Variants in PHACTR2 observed in about 807,000 individuals in gnomAD.
PHACTR2 encodes chromosome 6 open reading frame 56.
PHACTR2 carries 30 observed loss-of-function variants against 76.0 expected under a neutral mutation model. The ratio of observed to expected loss-of-function variants is 0.39; its 90% CI spans 0.30 to 0.54. The LOEUF (loss-of-function observed/expected upper bound fraction) is 0.54, where lower values mean the gene tolerates loss of function less well. PHACTR2 is among the 20% of genes least tolerant of loss of function. The pLI, the probability that PHACTR2 is intolerant of heterozygous loss-of-function variation, is 0.61. For missense variants in PHACTR2, 696 were observed against 781.1 expected (o/e 0.89, Z 1.30); for synonymous variants, 292 against 292.5 (o/e 1.00, Z 0.02).
intron 2 of PHACTR2, among the ~76,000 whole-genome samples, chr6:143,723,550 C>A (rs1778489809): frequency 6.6e-6 from 1 of 152,220 alleles, no homozygotes; most frequent in South Asian, 2.1e-4. Flanking sequence ...TCCTCCTTGT[C>A]ATCCATTCAT....
At chr6:143,590,320 A>G (rs1775676059) in intron 1 of PHACTR2, among the ~76,000 whole-genome samples, 1 of 152,162 alleles carries the variant, frequency 6.6e-6, no homozygotes, top group African/African-American at 2.4e-5. Context: ...TCATAAAAAC[A>G]TCACAGTGTT....
Position 143,816,276 on chromosome 6 carries a change from G to T in PHACTR2, c.1923-7398G>T, listed in dbSNP as rs1776294011. On this transcript the variant is annotated intron_variant, in intron 12 of 12. Coordinates refer to ENST00000440869, the MANE Select transcript of PHACTR2 (RefSeq NM_001100164.2). This position sits in a 1 kb window ranked among gnomAD's most constrained non-coding sequence, Gnocchi z 4.5. The stretch of plus-strand genomic sequence containing the variant: ...AGCTGAACTTCTCCTACCTTAAAAT[G>T]AATGCAAACTACCGAGAAATAGCAA... Among the ~76,000 whole-genome samples the T allele has an allele frequency of 6.6e-6, 1 of 152,058 alleles. No individual in the cohort carries two copies. The highest frequency in any genetic ancestry group is 1.5e-5 in the Non-Finnish European group (1 of 68,012).
Position 143,783,122 on chromosome 6 carries a change from A to AT in PHACTR2, c.1646-94dup. 1.4e-6 allele frequency: 1 copy of AT among 696,020 alleles called. No individual in the cohort carries two copies. The highest frequency in any genetic ancestry group is 2.5e-6 in the Non-Finnish European group (1 of 393,610). The allele number at this position is 696,020 out of a possible 1,614,324, so 43.1% of individuals were successfully genotyped here. ...AATGTTGGTTGTGTGTTTGATCATT[A>AT]TTTGTTAGAGTCACATGATCGTGGC... On this transcript the variant is annotated intron_variant, in intron 9 of 12. Coordinates refer to ENST00000440869, the MANE Select transcript of PHACTR2 (RefSeq NM_001100164.2). This position sits in a 1 kb window ranked among gnomAD's most constrained non-coding sequence, Gnocchi z 5.2.
chr6:143,544,136 C>T (rs1367772095), intron 1 of PHACTR2, among the ~76,000 whole-genome samples: 2 of 151,444 alleles, frequency 1.3e-5, no homozygotes, highest in Non-Finnish European at 2.9e-5. Flanking sequence ...AGGAATGTTA[C>T]TCTAAACTTG....
At chr6:143,563,561 A>AAAACAAAC (rs1554287770) in intron 1 of PHACTR2, among the ~76,000 whole-genome samples, 1 of 148,102 alleles carries the variant, frequency 6.8e-6, no homozygotes, top group Non-Finnish European at 1.5e-5. Flanking sequence ...CAAAAAAAAA[A>AAAACAAAC]AAAAAAAAAA....
In PHACTR2 at chr6:143,755,513, C is replaced by T. The variant is rs1243843301; in HGVS notation, c.454+1601C>T. 4 of 361,986 alleles carry T rather than the reference C, an allele frequency of 1.1e-5. No homozygotes were observed. Among genetic ancestry groups the T allele is most frequent in the African/African-American group, 6.4e-5 (3 of 46,900 alleles). The allele number at this position is 361,986 out of a possible 1,614,324, so 22.4% of individuals were successfully genotyped here. ...GTTTTATATGAATTAACCAACAGAC[C>T]TTGATGTTCTTGAAAGAAGATAGCA... On this transcript the variant is annotated intron_variant, in intron 4 of 12. Transcript: ENST00000440869. The surrounding 1 kb of genome is among the most constrained non-coding windows in gnomAD (Gnocchi z 5.2).
rs1333122243 is a variant in PHACTR2, at chr6:143,616,165, C to T, written c.13+7843C>T. Among the ~76,000 whole-genome samples, 2 of 152,134 alleles carry T rather than the reference C, an allele frequency of 1.3e-5. No individual in the cohort carries two copies. Among genetic ancestry groups the T allele is most frequent in the Non-Finnish European group, 2.9e-5 (2 of 68,032 alleles). ...GATAATTCCCAACATCCAGCTATCTCCCCAAAATTATTTTGAATTTTTTTC... is the reference window on the plus strand; with the variant it reads ...GATAATTCCCAACATCCAGCTATCTTCCCAAAATTATTTTGAATTTTTTTC... On this transcript the variant is annotated intron_variant, in intron 1 of 11. Coordinates refer to the PHACTR2 transcript ENST00000305766. This position sits in a 1 kb window ranked among gnomAD's most constrained non-coding sequence, Gnocchi z 4.9.
rs879294620 is a variant in PHACTR2, at chr6:143,616,059, CAA to C, written c.13+7739_13+7740del. Reference sequence around the variant, plus strand: ...GTTTCAGGTTTCAGAGCTATGGTTTCAAAGTTTCAGGGTTTCCTACCACTTGG... The same window carrying C: ...GTTTCAGGTTTCAGAGCTATGGTTTCAGTTTCAGGGTTTCCTACCACTTGG... On this transcript the variant is annotated intron_variant, in intron 1 of 11. Transcript: ENST00000305766. This position sits in a 1 kb window ranked among gnomAD's most constrained non-coding sequence, Gnocchi z 4.9. Among the ~76,000 whole-genome samples, 1 of 152,212 alleles carries C rather than the reference CAA, an allele frequency of 6.6e-6. No individual in the cohort carries two copies. Among genetic ancestry groups the C allele is most frequent in the Non-Finnish European group, 1.5e-5 (1 of 68,024 alleles).
chr6:143,590,806 C>A (rs751049335), intron 1 of PHACTR2, among the ~76,000 whole-genome samples: 1 of 152,032 alleles, frequency 6.6e-6, no homozygotes, highest in Non-Finnish European at 1.5e-5. Context: ...TAGACCCTTC[C>A]CTTGAAGGGT....
rs1459504550 is a variant in PHACTR2, at chr6:143,825,850, G to C, written c.*2161G>C. On this transcript the variant is annotated 3_prime_UTR_variant, in exon 13 of 13. Coordinates refer to ENST00000440869, the MANE Select transcript of PHACTR2 (RefSeq NM_001100164.2). The surrounding 1 kb of genome is among the most constrained non-coding windows in gnomAD (Gnocchi z 4.1). The stretch of plus-strand genomic sequence containing the variant: ...AAAGTTTCTATTTGGTTGATAAAAG[G>C]AACAATTTTTTCCCACTTTTGATGC... The C allele has an allele frequency of 2.6e-5, 4 of 151,950 alleles. No individual in the cohort carries two copies. The highest frequency in any genetic ancestry group is 5.9e-5 in the Non-Finnish European group (4 of 67,986). 9.4% of individuals were successfully genotyped at this position (151,950 alleles called of 1,614,324 possible). A position where few individuals can be genotyped will look rare whatever the true frequency, so the allele number is the denominator to read the frequency against.
At chr6:143,566,955 C>T (rs1775371822) in intron 1 of PHACTR2, among the ~76,000 whole-genome samples, 1 of 151,892 alleles carries the variant, frequency 6.6e-6, no homozygotes, top group African/African-American at 2.4e-5. Flanking sequence ...GATCAGGATC[C>T]GATTAAGTTT....
Position 143,548,132 on chromosome 6 carries a change from C to T in PHACTR2, c.217+10925C>T, listed in dbSNP as rs1479650410. Among the ~76,000 whole-genome samples the T allele has an allele frequency of 3.3e-5, 5 of 152,134 alleles. No individual in the cohort carries two copies. Among genetic ancestry groups the T allele is most frequent in the African/African-American group, 4.8e-5 (2 of 41,426 alleles). On this transcript the variant is annotated intron_variant, in intron 1 of 11. Coordinates refer to the PHACTR2 transcript ENST00000367584. The surrounding 1 kb of genome is among the most constrained non-coding windows in gnomAD (Gnocchi z 4.5). ...AGACACTGGCAGATTCAGTGTTTGG[C>T]GAGGGCCTGCTTCCTGGTTCATAGA...
At chr6:143,642,028 A>T (rs562838626) in intron 1 of PHACTR2, among the ~76,000 whole-genome samples, 1 of 152,300 alleles carries the variant, frequency 6.6e-6, no homozygotes, top group East Asian at 1.9e-4. Flanking sequence ...GCTCCTCTGC[A>T]GTTAAGTACA....
At position 143,736,282 on chromosome 6, in the gene PHACTR2, G is replaced by A. The variant is rs542187820; in HGVS notation, c.215-12703G>A. 1.6e-4 allele frequency among the ~76,000 whole-genome samples: 25 copies of A among 152,034 alleles called. No individual in the cohort carries two copies. The South Asian group carries it at 5.2e-3, about 32-fold the overall frequency. ...CTATTATAATCTCACTTTTACTCCT[G>A]AGTAAACTAGCGAGGCACAGAAAAG... On this transcript the variant is annotated intron_variant, in intron 2 of 12. Transcript: ENST00000440869.
intron 2 of PHACTR2, among the ~76,000 whole-genome samples, chr6:143,729,242 AG>A (rs1247083567): frequency 1.3e-5 from 2 of 152,072 alleles, no homozygotes; most frequent in Non-Finnish European, 2.9e-5. Flanking sequence ...TCTAGATACA[AG>A]CTCTTTGTTG....
intron 1 of PHACTR2, among the ~76,000 whole-genome samples, chr6:143,600,685 T>C (rs1046872440): frequency 2.6e-5 from 4 of 152,250 alleles, no homozygotes; most frequent in African/African-American, 7.2e-5. Context: ...AATTCTACCA[T>C]GTTTATTTTC....
Position 143,671,621 on chromosome 6 carries a change from GT to G in PHACTR2, c.14-40394del, listed in dbSNP as rs1562264991. Among the ~76,000 whole-genome samples the G allele has an allele frequency of 1.3e-5, 2 of 152,168 alleles. No homozygotes were observed. Among genetic ancestry groups the G allele is most frequent in the Non-Finnish European group, 2.9e-5 (2 of 68,034 alleles). On this transcript the variant is annotated intron_variant, in intron 1 of 11. Coordinates refer to the PHACTR2 transcript ENST00000305766. The surrounding 1 kb of genome is among the most constrained non-coding windows in gnomAD (Gnocchi z 4.6). ...TTCCATTAGAAGGGAAGCTCTATGA[GT>G]GCAGGTGTTTTTGTATTTTGTATAA... is the stretch of plus-strand genomic sequence containing the variant.
intron 1 of PHACTR2, among the ~76,000 whole-genome samples, chr6:143,670,300 G>C (rs996458436): frequency 6.6e-6 from 1 of 152,116 alleles, no homozygotes; most frequent in African/African-American, 2.4e-5. Context: ...CAACCCTAGT[G>C]AATCTGATAA....
At chr6:143,735,902 A>G (rs1778807008) in intron 2 of PHACTR2, among the ~76,000 whole-genome samples, 1 of 152,194 alleles carries the variant, frequency 6.6e-6, no homozygotes, top group Non-Finnish European at 1.5e-5. Flanking sequence ...TAAAAAATGT[A>G]TTTCTGTTAC....
Sources: gnomAD v4.1 joint callset for allele counts (sites outside exome capture counted in the v4.1 genomes callset) on GRCh38, gnomAD v4.1.1 for gene constraint, Gnocchi (gnomAD v3.1) non-coding constraint, MANE v1.5 for transcripts, NCBI Gene and HGNC (gene_info 2026-07-23, HGNC 2026-07-21) for gene names.